Variants in RLF observed in about 807,000 individuals in gnomAD.
The protein encoded by RLF is zinc finger protein Rlf.
RLF carries 7 observed loss-of-function variants against 162.9 expected under a neutral mutation model. The ratio of observed to expected loss-of-function variants is 0.04; its 90% confidence interval spans 0.02 to 0.08. RLF has a LOEUF of 0.08. RLF is among the 10% of genes least tolerant of loss of function. The pLI, the probability that RLF is intolerant of heterozygous loss-of-function variation, is 1.00. For synonymous variants in RLF, 782 were observed against 791.5 expected (o/e 0.99, Z 0.20); for missense variants, 1,664 against 2,244.7 (o/e 0.74, Z 5.23).
chr1:40,178,640 T>G lies in RLF; in HGVS notation c.238-10415T>G, dbSNP rs558914264. ...TGGTGTTTTTTTTTTTTGTTTTTTT[T>G]TTTTTTTTGGAGAGATGGGATCTTG... On this transcript the variant is annotated intron_variant, in intron 1 of 7. Transcript: ENST00000372771. 1.0e-4 allele frequency among the ~76,000 whole-genome samples: 15 copies of G among 148,880 alleles called. No homozygotes were observed. In the South Asian group the frequency reaches 2.7e-3, roughly 27 times the overall value.
At chr1:40,188,098 A>T (rs1283776677) in intron 1 of RLF, among the ~76,000 whole-genome samples, 2 of 152,212 alleles carry the variant, frequency 1.3e-5, no homozygotes, top group African/African-American at 4.8e-5. Flanking sequence ...TTCACGTCTT[A>T]ACTAGATATA....
At chr1:40,207,882 A>C (rs971449212) in intron 5 of RLF, among the ~76,000 whole-genome samples, 4 of 152,228 alleles carry the variant, frequency 2.6e-5, no homozygotes, top group African/African-American at 9.6e-5. Context: ...AAGTGCTGGG[A>C]TTATAGGCGT....
intron 1 of RLF, among the ~76,000 whole-genome samples, chr1:40,188,431 T>A (rs1642514449): frequency 6.6e-6 from 1 of 152,192 alleles, no homozygotes; most frequent in Admixed American, 6.5e-5. Context: ...ATTCCCCCCA[T>A]TGTAACCAAA....
chr1:40,185,682 G>T (rs1642466869), intron 1 of RLF, among the ~76,000 whole-genome samples: 1 of 130,872 alleles, frequency 7.6e-6, no homozygotes, highest in Admixed American at 7.6e-5. Flanking sequence ...AAAAAAATTA[G>T]CCGGGCATGG....
rs766802808 is a variant in RLF, at chr1:40,239,779, C to T, written c.5077C>T (p.Pro1693Ser). The T allele has an allele frequency of 3.1e-6, 5 of 1,614,152 alleles. No homozygotes were observed. The highest frequency in any genetic ancestry group is 4.2e-6 in the Non-Finnish European group (5 of 1,180,020). ...ACAGTGTAATATAGTTCAGCCTCCTCCTCCTTGTAAAATAGAAAATTCCAT... is the reference window on the plus strand; with the variant it reads ...ACAGTGTAATATAGTTCAGCCTCCTTCTCCTTGTAAAATAGAAAATTCCAT... ...LEQCNIVQPPPPCKIENSIPN... is the reference protein window; with the variant it reads ...LEQCNIVQPPSPCKIENSIPN... The change falls in exon 8 of 8, where the codon CCT becomes TCT. Residue 1693 changes from proline (P) to serine (S), a missense_variant. Transcript: ENST00000372771.
At chr1:40,202,322 T>C in intron 4 of RLF, 90 bp from the exon 5 acceptor site, 1 of 809,654 alleles carries the variant, frequency 1.2e-6, no homozygotes, top group Non-Finnish European at 1.9e-6. Context: ...TAACTAAAAA[T>C]CAAATAAAAA....
chr1:40,210,071 C>G (rs1642847040), intron 5 of RLF, among the ~76,000 whole-genome samples: 1 of 152,134 alleles, frequency 6.6e-6, no homozygotes, highest in South Asian at 2.1e-4. Flanking sequence ...CATGCCAAAA[C>G]AATTCAAAAG....
intron 1 of RLF, among the ~76,000 whole-genome samples, chr1:40,188,838 A>G (rs545514114): frequency 7.2e-5 from 11 of 152,218 alleles, no homozygotes; most frequent in Non-Finnish European, 1.5e-4. Flanking sequence ...TTATTCTGAC[A>G]TCAAAAGAGT....
At chr1:40,220,948 G>A (rs2124552900) in intron 5 of RLF, among the ~76,000 whole-genome samples, 1 of 148,194 alleles carries the variant, frequency 6.7e-6, no homozygotes, top group East Asian at 2.0e-4. Context: ...GCAGCATAGT[G>A]AGACCTCATC....
In RLF at chr1:40,196,610, C is replaced by T. The variant is rs371559582; in HGVS notation, c.607+846C>T. On this transcript the variant is annotated intron_variant, in intron 4 of 7. Coordinates refer to ENST00000372771, the MANE Select transcript of RLF (RefSeq NM_012421.4). The stretch of plus-strand genomic sequence containing the variant: ...TACCTTTCAGGCTCAAGTGATCTGC[C>T]TGCCTCTGCCTCACAAGTAACTGGG... Among the ~76,000 whole-genome samples the T allele has an allele frequency of 4.9e-4, 74 of 152,268 alleles. 2 individuals carry two copies. In the South Asian group the frequency reaches 0.015, roughly 32 times the overall value.
At chr1:40,200,734 CT>C (rs969810362) in intron 4 of RLF, among the ~76,000 whole-genome samples, 1 of 149,454 alleles carries the variant, frequency 6.7e-6, no homozygotes, top group African/African-American at 2.5e-5. Flanking sequence ...TTTTTCTGTC[CT>C]TTTGAAATCT....
rs373899238 is a variant in RLF at position 40,238,965 on chromosome 1, C to G, written c.4263C>G (p.Phe1421Leu). ...AGTGCCCTGCTGTTTTTTATACATT[C>G]AACAAGTTGAAGCACCACTTGATGG... The part of the protein sequence containing the change: ...QPQCPAVFYT[F>L]NKLKHHLMEQ... The change falls in exon 8 of 8, where the codon TTC (phenylalanine) becomes TTG (leucine). Residue 1421 changes from phenylalanine (F) to leucine (L), a missense_variant. Transcript: ENST00000372771. This position sits in a 1 kb window ranked among gnomAD's most constrained non-coding sequence, Gnocchi z 5.2. The G allele has an allele frequency of 7.4e-6, 12 of 1,613,998 alleles. No homozygotes were observed. Among genetic ancestry groups the G allele is most frequent in the African/African-American group, 4.0e-5 (3 of 74,904 alleles).
At chr1:40,187,027 T>G (rs182076759) in intron 1 of RLF, among the ~76,000 whole-genome samples, 2 of 152,026 alleles carry the variant, frequency 1.3e-5, no homozygotes, top group East Asian at 3.9e-4. Context: ...AATTTCTTTG[T>G]TTTTTGTTTT....
intron 5 of RLF, among the ~76,000 whole-genome samples, chr1:40,210,994 T>G (rs928251446): frequency 6.6e-6 from 1 of 152,130 alleles, no homozygotes; most frequent in African/African-American, 2.4e-5. Flanking sequence ...CAACAGGGGG[T>G]TGGCACCCAC....
chr1:40,170,488 T>C (rs1557736766), intron 1 of RLF, among the ~76,000 whole-genome samples: 1 of 152,332 alleles, frequency 6.6e-6, no homozygotes, highest in East Asian at 1.9e-4. Flanking sequence ...TTCAAACTGC[T>C]GAGCTCAAGT....
chr1:40,177,963 G>T (rs1376774651), intron 1 of RLF: 1 of 153,796 alleles, frequency 6.5e-6, no homozygotes, highest in Non-Finnish European at 1.5e-5. Flanking sequence ...GGAGTCTCAG[G>T]CCAAGGATGT....
At chr1:40,189,234 C>G (rs747609518) in intron 2 of RLF, 25 bp downstream of exon 2, 8 of 1,595,574 alleles carry the variant, frequency 5.0e-6, no homozygotes, top group Middle Eastern at 1.7e-4. Flanking sequence ...TTAAATCACT[C>G]TTAAAATTGA....
intron 5 of RLF, among the ~76,000 whole-genome samples, chr1:40,218,027 T>C (rs1406800812): frequency 6.6e-6 from 1 of 152,228 alleles, no homozygotes; most frequent in Non-Finnish European, 1.5e-5. Context: ...TTCTAGGTTT[T>C]CTATCGTAAA....
In RLF at chr1:40,236,160, A is replaced by C. The variant is rs775714774; in HGVS notation, c.1458A>C (p.Glu486Asp). The C allele has an allele frequency of 6.2e-7, 1 of 1,613,872 alleles. No individual in the cohort carries two copies. The highest frequency in any genetic ancestry group is 8.5e-7 in the Non-Finnish European group (1 of 1,179,974). The change falls in exon 8 of 8, where the codon GAA becomes GAC. Residue 486 changes from glutamate (E) to aspartate (D), a missense_variant. Transcript: ENST00000372771. The surrounding 1 kb of genome is among the most constrained non-coding windows in gnomAD (Gnocchi z 7.7). The part of the protein sequence containing the change: ...KRHCHQLLGQ[E>D]ASDSDDDLSG... ...ACTGCCACCAACTTTTAGGACAAGA[A>C]GCCTCAGATTCTGATGATGATTTAA...
Sources: allele counts gnomAD v4.1 joint callset (sites outside exome capture counted in the v4.1 genomes callset), GRCh38; gene constraint gnomAD v4.1.1; non-coding constraint Gnocchi (gnomAD v3.1); transcripts MANE v1.5; gene names NCBI Gene and HGNC (gene_info 2026-07-23, HGNC 2026-07-21).